The following CCSER1 variants were observed in gnomAD, a reference collection of about 807,000 sequenced individuals.
CCSER1 encodes the protein coiled-coil serine rich protein 1, also known as serine-rich coiled-coil domain-containing protein 1.
A neutral mutation model predicts 82.0 loss-of-function variants in CCSER1; 41 were observed. That is an observed-to-expected ratio of 0.50 (90% confidence interval 0.39 to 0.65). The LOEUF (loss-of-function observed/expected upper bound fraction) is 0.65, where lower values mean the gene tolerates loss of function less well. Among genes scored for constraint, CCSER1 ranks in the 30% least tolerant of loss-of-function variants. The probability of loss-of-function intolerance (pLI) is 0.00; values close to 1 mark genes in which losing one functional copy is unlikely to be tolerated. For synonymous variants in CCSER1, 414 were observed against 383.9 expected (o/e 1.08, Z -0.92); for missense variants, 1,119 against 1,064.2 (o/e 1.05, Z -0.72).
chr4:90,574,369 C>T (rs1007926501), intron 5 of CCSER1, among the ~76,000 whole-genome samples: 3 of 149,318 alleles, frequency 2.0e-5, no homozygotes, highest in East Asian at 2.0e-4. Context: ...CCCGGGTTCA[C>T]GCCATTCTCC....
chr4:90,611,059 CTTTTTTTTTT>C (rs201354908), intron 5 of CCSER1, among the ~76,000 whole-genome samples: 1 of 93,808 alleles, frequency 1.1e-5, no homozygotes, highest in Non-Finnish European at 1.9e-5. Context: ...CTTTTCTTTT[CTTTTTTTTTT>C]TTTTTTTTTT....
chr4:91,309,403 C>T (rs1432167801), intron 10 of CCSER1, among the ~76,000 whole-genome samples: 1 of 151,982 alleles, frequency 6.6e-6, no homozygotes, highest in Admixed American at 6.6e-5. Flanking sequence ...CATGAATGAG[C>T]TCAAGTGGGT....
chr4:90,510,689 T>G (rs1771369414), intron 5 of CCSER1, among the ~76,000 whole-genome samples: 1 of 152,352 alleles, frequency 6.6e-6, no homozygotes, highest in South Asian at 2.1e-4. Flanking sequence ...AGCTGTGTGC[T>G]GCTGCCATGA....
At chr4:91,333,133 A>G (rs568241484) in intron 10 of CCSER1, among the ~76,000 whole-genome samples, 1 of 148,940 alleles carries the variant, frequency 6.7e-6, no homozygotes, top group Non-Finnish European at 1.5e-5. Context: ...TGCTATTGTT[A>G]TGAGAGGAAT....
At chr4:90,377,215 G>A (rs1036464574) in intron 3 of CCSER1, among the ~76,000 whole-genome samples, 2 of 152,126 alleles carry the variant, frequency 1.3e-5, no homozygotes, top group African/African-American at 2.4e-5. Context: ...TTCAGACACT[G>A]CACACACATT....
chr4:91,442,891 G>A lies in CCSER1; in HGVS notation c.2218-155681G>A, dbSNP rs1037834331. ...GAAAAACTGCTCACCATCACTGGCC[G>A]TCAGAGAAATGCAAATCAAAACCGC... On this transcript the variant is annotated intron_variant, in intron 10 of 10. Transcript: ENST00000509176. Among the ~76,000 whole-genome samples, 803 of 152,224 alleles carry A rather than the reference G, an allele frequency of 5.3e-3. 6 individuals are homozygous for A. Among genetic ancestry groups the A allele is most frequent in the African/African-American group, 0.018 (759 of 41,512 alleles).
chr4:91,359,697 C>T (rs568522460), intron 10 of CCSER1, among the ~76,000 whole-genome samples: 9 of 151,582 alleles, frequency 5.9e-5, no homozygotes, highest in East Asian at 3.9e-4. Flanking sequence ...AGCAATCTTG[C>T]GTTGCTGTAG....
At chr4:91,000,929 G>T (rs1443199396) in intron 9 of CCSER1, among the ~76,000 whole-genome samples, 1 of 151,996 alleles carries the variant, frequency 6.6e-6, no homozygotes, top group Admixed American at 6.6e-5. Flanking sequence ...TATATTCCCT[G>T]ATTGCTCTGG....
At chr4:90,954,065 T>C (rs1733187478) in intron 9 of CCSER1, among the ~76,000 whole-genome samples, 2 of 144,306 alleles carry the variant, frequency 1.4e-5, no homozygotes, top group Non-Finnish European at 3.1e-5. Flanking sequence ...GATTTTTACA[T>C]AAATACTTTC....
chr4:91,190,034 T>C (rs1734872575), intron 10 of CCSER1, among the ~76,000 whole-genome samples: 1 of 152,172 alleles, frequency 6.6e-6, no homozygotes, highest in South Asian at 2.1e-4. Flanking sequence ...TGGATTTCTC[T>C]TTGGCACCAC....
In CCSER1 at chr4:90,368,267, G is replaced by A. The variant is rs1164581661; in HGVS notation, c.1510-31769G>A. 2.6e-5 allele frequency among the ~76,000 whole-genome samples: 4 copies of A among 151,910 alleles called. No homozygotes were observed. In the East Asian group the frequency reaches 5.8e-4, roughly 22 times the overall value. On this transcript the variant is annotated intron_variant, in intron 3 of 10. Transcript: ENST00000509176. Reference sequence around the variant, plus strand: ...AGGTGACTCCCTCCCATGGACCCATGAGCACTTATGAGAAAAACCAAAAAC... The same window carrying A: ...AGGTGACTCCCTCCCATGGACCCATAAGCACTTATGAGAAAAACCAAAAAC...
chr4:91,372,456 A>G (rs1201537597), intron 10 of CCSER1, among the ~76,000 whole-genome samples: 1 of 152,036 alleles, frequency 6.6e-6, no homozygotes, highest in Admixed American at 6.6e-5. Context: ...ACCTTTCTTA[A>G]TAATACATTT....
intron 1 of CCSER1, among the ~76,000 whole-genome samples, chr4:90,152,880 T>A (rs868455021): frequency 7.9e-5 from 12 of 151,912 alleles, no homozygotes; most frequent in African/African-American, 2.9e-4. Flanking sequence ...TTTTTTTTTT[T>A]TAATTTTATT....
At chr4:90,849,544 CT>C (rs1196493443) in intron 8 of CCSER1, among the ~76,000 whole-genome samples, 1 of 152,008 alleles carries the variant, frequency 6.6e-6, no homozygotes, top group Non-Finnish European at 1.5e-5. Context: ...AATCCCAGCA[CT>C]TTGGGAGGCT....
intron 10 of CCSER1, among the ~76,000 whole-genome samples, chr4:91,136,928 T>C (rs1728519813): frequency 6.6e-6 from 1 of 152,248 alleles, no homozygotes; most frequent in South Asian, 2.1e-4. Context: ...TTAAACTTGG[T>C]AGCTTTCTCT....
At chr4:90,961,948 T>A (rs1478315881) in intron 9 of CCSER1, among the ~76,000 whole-genome samples, 1 of 152,104 alleles carries the variant, frequency 6.6e-6, no homozygotes, top group African/African-American at 2.4e-5. Flanking sequence ...ATACTCAGAA[T>A]GCTTAGATAA....
intron 10 of CCSER1, among the ~76,000 whole-genome samples, chr4:91,394,423 G>A (rs1454108956): frequency 1.3e-5 from 2 of 151,852 alleles, no homozygotes; most frequent in Non-Finnish European, 2.9e-5. Context: ...AGAACAATTT[G>A]GCAACTTCTT....
rs1561384877 is a variant in CCSER1, at chr4:90,932,972, AAGAAAGAAAG to A, written c.2172+9537_2172+9546del. Among the ~76,000 whole-genome samples the A allele has an allele frequency of 4.0e-3, 159 of 40,010 alleles. 34 individuals are homozygous for A. Among genetic ancestry groups the A allele is most frequent in the African/African-American group, 0.019 (105 of 5,600 alleles). The allele number at this position is 40,010 out of a possible 152,430, so 26.2% of individuals were successfully genotyped here. A position where few individuals can be genotyped will look rare whatever the true frequency, so the allele number is the denominator to read the frequency against. ...AAAGAAAGAAAGAAAGAAAGAAAGA[AAGAAAGAAAG>A]AGAAAGAAAGAAAGAAAGAAAGAAA... On this transcript the variant is annotated intron_variant, in intron 9 of 10. Coordinates refer to ENST00000509176, the MANE Select transcript of CCSER1 (RefSeq NM_001145065.2).
At chr4:91,143,266 T>TA (rs1042572189) in intron 10 of CCSER1, among the ~76,000 whole-genome samples, 16 of 150,110 alleles carry the variant, frequency 1.1e-4, no homozygotes, top group African/African-American at 3.9e-4. Flanking sequence ...TTTTTTTTTT[T>TA]ATTTGGCTCT....
Sources: allele counts gnomAD v4.1 joint callset (sites outside exome capture counted in the v4.1 genomes callset), GRCh38; gene constraint gnomAD v4.1.1; transcripts MANE v1.5; gene names NCBI Gene and HGNC (gene_info 2026-07-23, HGNC 2026-07-21).